Variants in SH3D19 observed in about 807,000 individuals in gnomAD.
The protein encoded by SH3D19 is SH3 domain containing 19, also known as SH3 domain-containing protein 19.
A neutral mutation model predicts 112.1 loss-of-function variants in SH3D19; 58 were observed. The ratio of observed to expected loss-of-function variants is 0.52; its 90% confidence interval spans 0.42 to 0.64. The LOEUF (loss-of-function observed/expected upper bound fraction) is 0.64, where lower values mean the gene tolerates loss of function less well. SH3D19 is among the 30% of genes least tolerant of loss of function. The pLI, the probability that SH3D19 is intolerant of heterozygous loss-of-function variation, is 0.00. For synonymous variants in SH3D19, 391 were observed against 448.5 expected (o/e 0.87, Z 1.62); for missense variants, 1,090 against 1,263.4 (o/e 0.86, Z 2.08).
At chr4:151,301,288 C>T (rs531523508) in intron 1 of SH3D19, among the ~76,000 whole-genome samples, 31 of 152,346 alleles carry the variant, frequency 2.0e-4, no homozygotes, top group African/African-American at 4.6e-4. Context: ...AGCGCAATGG[C>T]GCAATCTCGG....
At chr4:151,164,983 C>G (rs546871588) in intron 8 of SH3D19, among the ~76,000 whole-genome samples, 1 of 152,210 alleles carries the variant, frequency 6.6e-6, no homozygotes, top group African/African-American at 2.4e-5. Flanking sequence ...CAATAATATA[C>G]TCCTGACTGA....
At chr4:151,167,043 A>T (rs1207298444) in intron 7 of SH3D19, among the ~76,000 whole-genome samples, 1 of 151,614 alleles carries the variant, frequency 6.6e-6, no homozygotes, top group East Asian at 1.9e-4. Flanking sequence ...AAGCTAGCTA[A>T]AATTATTATT....
intron 1 of SH3D19, among the ~76,000 whole-genome samples, chr4:151,255,084 C>T (rs2149981682): frequency 6.6e-6 from 1 of 150,912 alleles, no homozygotes; most frequent in Middle Eastern, 3.4e-3. Flanking sequence ...GGGCTGACCC[C>T]CACCTCCCTC....
intron 1 of SH3D19, among the ~76,000 whole-genome samples, chr4:151,229,920 CA>C (rs1438356636): frequency 6.6e-6 from 1 of 151,934 alleles, no homozygotes; most frequent in Non-Finnish European, 1.5e-5. Flanking sequence ...GTCTCAAAAA[CA>C]AAAACAAAAA....
At chr4:151,166,758 T>G (rs1758108247) in intron 7 of SH3D19, among the ~76,000 whole-genome samples, 1 of 152,170 alleles carries the variant, frequency 6.6e-6, no homozygotes, top group African/African-American at 2.4e-5. Context: ...GAGGTGTAAT[T>G]CAATAAGCAC....
At chr4:151,212,197 A>G (rs1265766111) in intron 2 of SH3D19, among the ~76,000 whole-genome samples, 1 of 152,256 alleles carries the variant, frequency 6.6e-6, no homozygotes, top group Non-Finnish European at 1.5e-5. Context: ...TCTGTCATCT[A>G]GGCCAGAGTA....
At chr4:151,123,451 C>T (rs1467953196) in intron 19 of SH3D19, among the ~76,000 whole-genome samples, 1 of 152,182 alleles carries the variant, frequency 6.6e-6, no homozygotes, top group Non-Finnish European at 1.5e-5. Context: ...TTATCACATT[C>T]CTCCTATGGC....
chr4:151,143,949 A>G lies in SH3D19; in HGVS notation c.2184T>C (p.Ile728=). 6.2e-7 allele frequency: 1 copy of G among 1,613,932 alleles called. No homozygotes were observed. The highest frequency in any genetic ancestry group is 8.5e-7 in the Non-Finnish European group (1 of 1,179,948). ...TAAGATGTTCATCAAGTGGAGTGAT[A>G]ATCTTCATTTGAGACAGGTGAACTC... ...TGRVHLSQMK[I]ITPLDEHLRS... is the part of the protein sequence containing the mutation. Residue 728 remains isoleucine (I), a synonymous_variant, in exon 12 of 20, where the codon ATT becomes ATC. Coordinates refer to ENST00000604030, the MANE Select transcript of SH3D19 (RefSeq NM_001378122.1).
chr4:151,122,024 A>G lies in SH3D19; in HGVS notation c.*67T>C. Reference sequence around the variant, plus strand: ...CAGTTAAAAAAAATAGTGCAAAAACATATCTGATAGTCAAGGTGATAGTTC... The same window carrying G: ...CAGTTAAAAAAAATAGTGCAAAAACGTATCTGATAGTCAAGGTGATAGTTC... On this transcript the variant is annotated 3_prime_UTR_variant, in exon 20 of 20. Transcript: ENST00000604030. The G allele has an allele frequency of 3.8e-6, 3 of 787,226 alleles. No homozygotes were observed. The highest frequency in any genetic ancestry group is 6.5e-6 in the Non-Finnish European group (3 of 460,476). 48.8% of individuals were successfully genotyped at this position (787,226 alleles called of 1,614,324 possible). A position where few individuals can be genotyped will look rare whatever the true frequency, so the allele number is the denominator to read the frequency against.
At chr4:151,297,175 G>A (rs1175326913) in intron 1 of SH3D19, among the ~76,000 whole-genome samples, 1 of 152,190 alleles carries the variant, frequency 6.6e-6, no homozygotes, top group Non-Finnish European at 1.5e-5. Flanking sequence ...TAATTGAGAA[G>A]AAACATTCAC....
chr4:151,128,332 A>G lies in SH3D19; in HGVS notation c.2767T>C (p.Cys923Arg). ...SQVNSLPAEW[C>R]EALHSFTAET... ...GCTGTAAAACTGTGAAGAGCTTCAC[A>G]CCATTCTGCCGGAAGACTGTTAACC... Residue 923 changes from cysteine to arginine, a missense_variant, in exon 18 of 20, where the codon TGT (cysteine) becomes CGT (arginine). Transcript: ENST00000604030. The G allele has an allele frequency of 6.2e-7, 1 of 1,613,802 alleles. No homozygotes were observed. Among genetic ancestry groups the G allele is most frequent in the Non-Finnish European group, 8.5e-7 (1 of 1,179,884 alleles).
chr4:151,230,368 C>T (rs1769515342), intron 1 of SH3D19, among the ~76,000 whole-genome samples: 2 of 152,132 alleles, frequency 1.3e-5, no homozygotes, highest in African/African-American at 4.8e-5. Context: ...ATAGCCAACT[C>T]AGAACTTATT....
intron 1 of SH3D19, chr4:151,227,666 G>A: frequency 1.2e-6 from 1 of 810,276 alleles, no homozygotes; most frequent in Non-Finnish European, 1.5e-6. Flanking sequence ...TAGCCTGCTA[G>A]CTTCGCTACA....
At chr4:151,136,451 C>T (rs1751871907) in intron 14 of SH3D19, among the ~76,000 whole-genome samples, 2 of 152,180 alleles carry the variant, frequency 1.3e-5, no homozygotes, top group Admixed American at 1.3e-4. Context: ...TGTGCCCAGC[C>T]AAGCACTTAA....
At chr4:151,320,023 T>C (rs1445597449) in intron 1 of SH3D19, among the ~76,000 whole-genome samples, 3 of 152,198 alleles carry the variant, frequency 2.0e-5, no homozygotes, top group African/African-American at 7.2e-5. Flanking sequence ...CTCAGTCTTT[T>C]CAATGATAAA....
chr4:151,316,158 TG>T (rs1729963136), intron 1 of SH3D19, among the ~76,000 whole-genome samples: 1 of 152,182 alleles, frequency 6.6e-6, no homozygotes, highest in Admixed American at 6.5e-5. Flanking sequence ...ACTTTACCTC[TG>T]TGATCTTCCT....
rs1730314441 is a variant in SH3D19, at chr4:151,319,305, C to T, written c.112+5936G>A. ...CCTCAGGTAGTCCACCCGCATTGGCCTCCCAAAGTGCTGGGATTACAGGCG... is the reference window on the plus strand; with the variant it reads ...CCTCAGGTAGTCCACCCGCATTGGCTTCCCAAAGTGCTGGGATTACAGGCG... On this transcript the variant is annotated intron_variant, in intron 1 of 19. Transcript: ENST00000604030. Among the ~76,000 whole-genome samples, 4 of 152,352 alleles carry T rather than the reference C, an allele frequency of 2.6e-5. No homozygotes were observed. The South Asian group carries it at 8.3e-4, about 32-fold the overall frequency.
intron 7 of SH3D19, among the ~76,000 whole-genome samples, chr4:151,170,212 A>G (rs537360340): frequency 1.1e-4 from 17 of 152,230 alleles, no homozygotes; most frequent in Non-Finnish European, 1.9e-4. Context: ...TTTTTTTTTA[A>G]TCCAAAATCT....
intron 11 of SH3D19, among the ~76,000 whole-genome samples, chr4:151,147,203 C>T (rs1298779102): frequency 1.3e-5 from 2 of 152,178 alleles, no homozygotes; most frequent in East Asian, 3.9e-4. Context: ...ACTATGATTG[C>T]AGCAGTGCAC....
Sources: allele counts gnomAD v4.1 joint callset (sites outside exome capture counted in the v4.1 genomes callset), GRCh38; gene constraint gnomAD v4.1.1; transcripts MANE v1.5; gene names NCBI Gene and HGNC (gene_info 2026-07-23, HGNC 2026-07-21).